Variants in ZSWIM9 observed in about 807,000 individuals in gnomAD.
ZSWIM9 encodes zinc finger SWIM-type containing 9, also known as uncharacterized protein ZSWIM9.
ZSWIM9 carries 11 observed loss-of-function variants against 25.0 expected under a neutral mutation model. The ratio of observed to expected loss-of-function variants is 0.44; its 90% CI spans 0.28 to 0.73. The LOEUF is 0.73. Ranked by LOEUF, ZSWIM9 falls within the 30% of genes least tolerant of loss-of-function variation. The probability of loss-of-function intolerance (pLI) is 0.16; values close to 1 mark genes in which losing one functional copy is unlikely to be tolerated. For missense variants in ZSWIM9, 1,070 were observed against 1,296.5 expected, an observed-to-expected ratio of 0.83 and a Z score of 2.68; for synonymous variants, 562 against 582.1, an observed-to-expected ratio of 0.97 and a Z score of 0.50.
intron 2 of ZSWIM9, among the ~76,000 whole-genome samples, chr19:48,172,361 G>A (rs1159225300): frequency 6.6e-6 from 1 of 151,426 alleles, no homozygotes; most frequent in Non-Finnish European, 1.5e-5. Flanking sequence ...CTGTCGCCCA[G>A]GCTTGAGTGC....
intron 2 of ZSWIM9, among the ~76,000 whole-genome samples, chr19:48,178,723 G>C (rs550881320): frequency 6.6e-6 from 1 of 152,084 alleles, no homozygotes; most frequent in Admixed American, 6.5e-5. Flanking sequence ...CTATGGGCGT[G>C]TGCCACCGCA....
chr19:48,181,524 C>G (rs2036948438), intron 2 of ZSWIM9: 1 of 152,158 alleles, frequency 6.6e-6, no homozygotes, highest in Non-Finnish European at 1.5e-5. Context: ...ATTTAGGTTT[C>G]AAGTATTTGG....
Position 48,195,140 on chromosome 19 carries a change from A to G in ZSWIM9, c.1076A>G (p.Asp359Gly), listed in dbSNP as rs2037142980. ...GGCGCGTCGTCGCCCGCAGCCTACG[A>G]CGAGGCGCTGGCCGAGCTCCACGCC... The part of the protein sequence containing the change: ...LAGASSPAAY[D>G]EALAELHAHG... The change falls in exon 4 of 4, where the codon GAC becomes GGC. Residue 359 changes from aspartate to glycine, a missense_variant. Asp to Gly is a moderately conservative substitution (Grantham distance 94). Around this residue, in one of 4 missense-constraint regions of ZSWIM9, gnomAD observed 184 missense variants for 243.1 expected, o/e 0.76. Transcript: ENST00000614654. This position sits in a 1 kb window ranked among gnomAD's most constrained non-coding sequence, Gnocchi z 5.8. The G allele has an allele frequency of 6.6e-7, 1 of 1,506,676 alleles. No individual in the cohort carries two copies. The highest frequency in any genetic ancestry group is 2.0e-5 in the Admixed American group (1 of 49,548). 93.3% of individuals were successfully genotyped at this position (1,506,676 alleles called of 1,614,324 possible). A position where few individuals can be genotyped will look rare whatever the true frequency, so the allele number is the denominator to read the frequency against.
chr19:48,182,942 G>A lies in ZSWIM9; in HGVS notation c.588+175G>A, dbSNP rs2036968547. On this transcript the variant is annotated intron_variant, in intron 3 of 3. Transcript: ENST00000614654. This position sits in a 1 kb window ranked among gnomAD's most constrained non-coding sequence, Gnocchi z 4.6. ...GCATTGGGGATGCAGCAGCAAACCA[G>A]ACCCACGTGGTCTCTGTCCGCAGAG... 1.6e-5 allele frequency: 10 copies of A among 610,512 alleles called. No individual in the cohort carries two copies. The highest frequency in any genetic ancestry group is 2.9e-5 in the Non-Finnish European group (10 of 347,494). 37.8% of individuals were successfully genotyped at this position (610,512 alleles called of 1,614,324 possible). A position where few individuals can be genotyped will look rare whatever the true frequency, so the allele number is the denominator to read the frequency against.
At position 48,196,102 on chromosome 19, in the gene ZSWIM9, G is replaced by C; in HGVS notation, c.2038G>C (p.Asp680His). 1 of 1,243,576 alleles carries C rather than the reference G, an allele frequency of 8.0e-7. No homozygotes were observed. Among genetic ancestry groups the C allele is most frequent in the Non-Finnish European group, 1.0e-6 (1 of 995,384 alleles). 77.0% of individuals were successfully genotyped at this position (1,243,576 alleles called of 1,614,324 possible). ...CCTGGAGTTGGCCCCTGAGAACGGA[G>C]ACCAAAGGGGACCCCAGTGGGAAGA... ...KSLELAPENG[D>H]QRGPQWEDER... Residue 680 changes from aspartate (D) to histidine (H), a missense_variant, in exon 4 of 4, where the codon GAC (aspartate) becomes CAC (histidine). By Grantham distance (81) the Asp-to-His change is moderately conservative (BLOSUM62 -1). Transcript: ENST00000614654.
Position 48,187,939 on chromosome 19 carries a change from AATAGATAGATAG to A in ZSWIM9, c.588+5210_588+5221del, listed in dbSNP as rs58658973. 6.5e-3 allele frequency among the ~76,000 whole-genome samples: 916 copies of A among 140,270 alleles called. 1 individual carries two copies. The highest frequency in any genetic ancestry group is 0.015 in the Middle Eastern group (4 of 274). The allele number at this position is 140,270 out of a possible 152,430, so 92.0% of individuals were successfully genotyped here. A position where few individuals can be genotyped will look rare whatever the true frequency, so the allele number is the denominator to read the frequency against. On this transcript the variant is annotated intron_variant, in intron 3 of 3. Transcript: ENST00000614654. ...CTTGACAACAGAGTGAGACCCTTTA[AATAGATAGATAG>A]ATAGATAGATAGATAGATAGATAGA...
In ZSWIM9 at chr19:48,197,536, TG is replaced by T; in HGVS notation, c.*714del. ...CTGAAGAGAGAGGGAGGGCGGGCAC[TG>T]GGGGTCAGGAGAGTCTCCAGCAGGG... On this transcript the variant is annotated 3_prime_UTR_variant, in exon 4 of 4. Transcript: ENST00000614654. The T allele has an allele frequency of 2.2e-6, 1 of 456,428 alleles. No individual in the cohort carries two copies. The highest frequency in any genetic ancestry group is 4.0e-6 in the Non-Finnish European group (1 of 251,464). 28.3% of individuals were successfully genotyped at this position (456,428 alleles called of 1,614,324 possible).
rs761348694 is a variant in ZSWIM9 at position 48,196,500 on chromosome 19, C to T, written c.2436C>T (p.Pro812=). Residue 812 remains proline, a synonymous_variant, in exon 4 of 4, where the codon CCC becomes CCT. Transcript: ENST00000614654. ...GGGAACCAAAGAGGCTTTGCCGACC[C>T]CCGGGAGAGGAGGAGGTGGACTGGG... ...GPREPKRLCR[P]PGEEEVDWEP... 9.7e-6 allele frequency: 12 copies of T among 1,232,196 alleles called. No homozygotes were observed. The Admixed American group carries it at 1.7e-4, about 17-fold the overall frequency. 76.3% of individuals were successfully genotyped at this position (1,232,196 alleles called of 1,614,324 possible). A position where few individuals can be genotyped will look rare whatever the true frequency, so the allele number is the denominator to read the frequency against.
At chr19:48,172,139 TGGG>T in intron 2 of ZSWIM9, 62 bp downstream of exon 2, 1 of 443,050 alleles carries the variant, frequency 2.3e-6, no homozygotes, top group African/African-American at 2.4e-5. Flanking sequence ...TGGGTGTGGG[TGGG>T]AGACGGGCAG....
At chr19:48,192,394 G>A (rs914232114) in intron 3 of ZSWIM9, among the ~76,000 whole-genome samples, 1 of 136,662 alleles carries the variant, frequency 7.3e-6, no homozygotes, top group Non-Finnish European at 1.5e-5. Flanking sequence ...AGGTTGCAGT[G>A]AGCCAAGATC....
rs2036962076 is a variant in ZSWIM9, at chr19:48,182,612, TGCCTGCC to T, written c.435_441del (p.Cys145TrpfsTer51). The T allele has an allele frequency of 6.5e-7, 1 of 1,535,692 alleles. No individual in the cohort carries two copies. Among genetic ancestry groups the T allele is most frequent in the Non-Finnish European group, 8.7e-7 (1 of 1,146,696 alleles). ...CCCGGGCCACCTGCTGGCCAACGCC[TGCCTGCC>T]GGTGCGCACCACCAACAAGATCTCC... On this transcript the variant is annotated frameshift_variant, in exon 3 of 4. Transcript: ENST00000614654. LOFTEE classifies it high-confidence loss of function. This position sits in a 1 kb window ranked among gnomAD's most constrained non-coding sequence, Gnocchi z 4.6.
At chr19:48,184,349 GCTGCT>G (rs2036987437) in intron 3 of ZSWIM9, among the ~76,000 whole-genome samples, 1 of 152,160 alleles carries the variant, frequency 6.6e-6, no homozygotes, top group Non-Finnish European at 1.5e-5. Context: ...GAGGATGGCT[GCTGCT>G]CCATAAGGAA....
At chr19:48,187,250 G>C (rs983997145) in intron 3 of ZSWIM9, among the ~76,000 whole-genome samples, 3 of 145,340 alleles carry the variant, frequency 2.1e-5, no homozygotes, top group African/African-American at 5.1e-5. Flanking sequence ...GTTCAAGAGA[G>C]AGTGAAACTA....
At chr19:48,178,891 A>T (rs972073397) in intron 2 of ZSWIM9, among the ~76,000 whole-genome samples, 2 of 152,110 alleles carry the variant, frequency 1.3e-5, no homozygotes, top group Non-Finnish European at 2.9e-5. Flanking sequence ...TATTTTTATA[A>T]ATGAAGTTTT....
Position 48,197,004 on chromosome 19 carries a change from TGGTCTCTGA to T in ZSWIM9, c.*182_*190del. 1.6e-6 allele frequency: 1 copy of T among 608,092 alleles called. No individual in the cohort carries two copies. The highest frequency in any genetic ancestry group is 3.4e-5 in the Admixed American group (1 of 29,720). The allele number at this position is 608,092 out of a possible 1,614,324, so 37.7% of individuals were successfully genotyped here. A position where few individuals can be genotyped will look rare whatever the true frequency, so the allele number is the denominator to read the frequency against. Reference sequence around the variant, plus strand: ...TCTGGGTCCAAGGGCAAGCTGTAAGTGGTCTCTGAGGTCCTGGAGCCACAGCTTGGGAAG... The same window carrying T: ...TCTGGGTCCAAGGGCAAGCTGTAAGTGGTCCTGGAGCCACAGCTTGGGAAG... On this transcript the variant is annotated 3_prime_UTR_variant, in exon 4 of 4. Coordinates refer to ENST00000614654, the MANE Select transcript of ZSWIM9 (RefSeq NM_199341.4).
At chr19:48,174,372 G>A (rs751518084) in intron 2 of ZSWIM9, among the ~76,000 whole-genome samples, 1 of 152,052 alleles carries the variant, frequency 6.6e-6, no homozygotes, top group Non-Finnish European at 1.5e-5. Flanking sequence ...TCATACATGA[G>A]AAAAACACAT....
rs1386974920 is a variant in ZSWIM9, at chr19:48,194,694, G to C, written c.630G>C (p.Thr210=). The change falls in exon 4 of 4, where the codon ACG becomes ACC. Residue 210 remains threonine, a synonymous_variant. Coordinates refer to ENST00000614654, the MANE Select transcript of ZSWIM9 (RefSeq NM_199341.4). The surrounding 1 kb of genome is among the most constrained non-coding windows in gnomAD (Gnocchi z 6.0). The part of the protein sequence containing the change: ...VFVEDQAVVE[T]VFFLTSRTRA... Reference sequence around the variant, plus strand: ...TGGAGGACCAGGCTGTGGTGGAGACGGTGTTCTTCCTGACGTCGCGCACCA... The same window carrying C: ...TGGAGGACCAGGCTGTGGTGGAGACCGTGTTCTTCCTGACGTCGCGCACCA... 2.0e-6 allele frequency: 3 copies of C among 1,524,664 alleles called. No individual in the cohort carries two copies. The highest frequency in any genetic ancestry group is 2.6e-6 in the Non-Finnish European group (3 of 1,141,000). The allele number at this position is 1,524,664 out of a possible 1,614,324, so 94.4% of individuals were successfully genotyped here.
At chr19:48,179,242 C>G (rs1004459912) in intron 2 of ZSWIM9, among the ~76,000 whole-genome samples, 3 of 152,108 alleles carry the variant, frequency 2.0e-5, no homozygotes, top group African/African-American at 7.2e-5. Context: ...CTCACTATAA[C>G]CTCGGATTCC....
rs532990270 is a variant in ZSWIM9, at chr19:48,178,144, C to T, written c.276-4311C>T. Among the ~76,000 whole-genome samples, 5 of 152,346 alleles carry T rather than the reference C, an allele frequency of 3.3e-5. No homozygotes were observed. In the South Asian group the frequency reaches 1.0e-3, roughly 32 times the overall value. ...AACTCCTGACCTCAAGTGATCCGCC[C>T]GCCTTGGCCTCCCAAAGTGCTGGGA... On this transcript the variant is annotated intron_variant, in intron 2 of 3. Transcript: ENST00000614654.
Sources: allele counts gnomAD v4.1 joint callset (sites outside exome capture counted in the v4.1 genomes callset), GRCh38; gene constraint gnomAD v4.1.1; regional missense constraint gnomAD v4.1.1; non-coding constraint Gnocchi (gnomAD v3.1); transcripts MANE v1.5; gene names NCBI Gene and HGNC (gene_info 2026-07-23, HGNC 2026-07-21).